Variants in IMMP2L observed in about 807,000 individuals in gnomAD.
The protein encoded by IMMP2L is mitochondrial inner membrane protease subunit 2.
A neutral mutation model predicts 19.3 loss-of-function variants in IMMP2L; 18 were observed. The observed-to-expected ratio is 0.93, with a 90% CI of 0.64 to 1.38. The LOEUF (loss-of-function observed/expected upper bound fraction) is 1.38. Ranked by LOEUF, IMMP2L falls within the 40% of genes most tolerant of loss-of-function variation. The probability of loss-of-function intolerance (pLI) is 0.00; values close to 1 mark genes in which losing one functional copy is unlikely to be tolerated. For missense variants in IMMP2L, 233 were observed against 218.2 expected, an observed-to-expected ratio of 1.07 and a Z score of -0.43; for synonymous variants, 76 against 73.0, an observed-to-expected ratio of 1.04 and a Z score of -0.21.
At chr7:111,186,963 C>T (rs1027008654) in intron 3 of IMMP2L, among the ~76,000 whole-genome samples, 2 of 151,814 alleles carry the variant, frequency 1.3e-5, no homozygotes, top group South Asian at 2.1e-4. Flanking sequence ...AGTTTTAATA[C>T]CTTTTTGTCT....
At chr7:111,401,733 C>A (rs188456535) in intron 3 of IMMP2L, among the ~76,000 whole-genome samples, 2 of 152,106 alleles carry the variant, frequency 1.3e-5, no homozygotes, top group African/African-American at 2.4e-5. Flanking sequence ...AACTGGTAAA[C>A]CACGGACTGC....
At chr7:110,838,637 A>G (rs890082427) in intron 5 of IMMP2L, among the ~76,000 whole-genome samples, 1 of 151,978 alleles carries the variant, frequency 6.6e-6, no homozygotes, top group African/African-American at 2.4e-5. Context: ...TATGATCAGC[A>G]AGAAGGCCTT....
intron 2 of IMMP2L, among the ~76,000 whole-genome samples, chr7:111,510,463 G>A (rs781562922): frequency 2.0e-5 from 3 of 151,946 alleles, no homozygotes; most frequent in Non-Finnish European, 4.4e-5. Context: ...GTTTTGACAC[G>A]TTAAAAAAAA....
intron 3 of IMMP2L, among the ~76,000 whole-genome samples, chr7:111,295,938 A>C (rs1158996958): frequency 6.6e-6 from 1 of 151,152 alleles, no homozygotes; most frequent in Non-Finnish European, 1.5e-5. Flanking sequence ...ACATAGAAGA[A>C]AATTTTCATG....
At position 111,311,858 on chromosome 7, in the gene IMMP2L, C is replaced by T. The variant is rs141834047; in HGVS notation, c.239+175380G>A. On this transcript the variant is annotated intron_variant, in intron 3 of 5. Transcript: ENST00000405709. The stretch of plus-strand genomic sequence containing the variant: ...CATTATCGCAATTGTACTCACTTTG[C>T]TTCCAGTGATTACACTGGGACACTC... Among the ~76,000 whole-genome samples, 607 of 152,270 alleles carry T rather than the reference C, an allele frequency of 4.0e-3. 3 individuals are homozygous for T. The highest frequency in any genetic ancestry group is 0.02 in the Middle Eastern group (6 of 294).
chr7:110,946,697 T>A (rs1417100795), intron 4 of IMMP2L, among the ~76,000 whole-genome samples: 3 of 151,310 alleles, frequency 2.0e-5, no homozygotes, highest in African/African-American at 4.9e-5. Context: ...ATATTAAAAC[T>A]GTTAAGAAAA....
intron 3 of IMMP2L, among the ~76,000 whole-genome samples, chr7:111,446,336 C>G (rs1051819037): frequency 2.1e-5 from 3 of 143,116 alleles, no homozygotes; most frequent in African/African-American, 8.6e-5. Context: ...AGCAGTGGTT[C>G]TCCCAGCACA....
intron 2 of IMMP2L, among the ~76,000 whole-genome samples, chr7:111,507,669 T>TA (rs1344919910): frequency 6.6e-6 from 1 of 152,152 alleles, no homozygotes; most frequent in Non-Finnish European, 1.5e-5. Flanking sequence ...ACTTCACTAA[T>TA]AGTACCAATT....
chr7:111,216,618 T>C (rs1057439426), intron 3 of IMMP2L, among the ~76,000 whole-genome samples: 2 of 152,082 alleles, frequency 1.3e-5, no homozygotes, highest in Admixed American at 6.6e-5. Context: ...CACTGTGCAA[T>C]AGAACTAAAA....
At chr7:110,673,173 C>G (rs897716182) in intron 5 of IMMP2L, among the ~76,000 whole-genome samples, 4 of 152,246 alleles carry the variant, frequency 2.6e-5, no homozygotes, top group African/African-American at 9.6e-5. Context: ...TTCTATGCAT[C>G]TGCAGGCCCA....
intron 3 of IMMP2L, among the ~76,000 whole-genome samples, chr7:111,095,991 C>A (rs1797358665): frequency 1.3e-5 from 2 of 151,912 alleles, no homozygotes; most frequent in African/African-American, 4.8e-5. Context: ...CAATCCTATT[C>A]TTTTCTTTTG....
At chr7:111,336,084 G>C (rs1481606611) in intron 3 of IMMP2L, among the ~76,000 whole-genome samples, 3 of 151,982 alleles carry the variant, frequency 2.0e-5, no homozygotes, top group Non-Finnish European at 4.4e-5. Flanking sequence ...GGATCTCACT[G>C]TGTCATCCAG....
intron 5 of IMMP2L, among the ~76,000 whole-genome samples, chr7:110,670,698 A>C (rs1483588023): frequency 6.6e-6 from 1 of 151,228 alleles, no homozygotes; most frequent in Admixed American, 6.6e-5. Context: ...TCAAAAAAAA[A>C]AAAAAACAAA....
At chr7:110,700,124 A>T (rs1794171209) in intron 5 of IMMP2L, among the ~76,000 whole-genome samples, 1 of 152,212 alleles carries the variant, frequency 6.6e-6, no homozygotes, top group Non-Finnish European at 1.5e-5. Flanking sequence ...CAACTAAGTC[A>T]GCCATGATTC....
chr7:111,417,328 G>GT, intron 3 of IMMP2L, among the ~76,000 whole-genome samples: 1 of 151,874 alleles, frequency 6.6e-6, no homozygotes, highest in African/African-American at 2.4e-5. Flanking sequence ...GGTGGAGGGC[G>GT]TCACAGTGAG....
chr7:110,919,020 C>T (rs556676937), intron 4 of IMMP2L, among the ~76,000 whole-genome samples: 15 of 152,062 alleles, frequency 9.9e-5, no homozygotes, highest in Non-Finnish European at 1.9e-4. Context: ...CCAATAAAAT[C>T]TAGGTCAAAC....
chr7:111,254,358 G>A (rs934844749), intron 3 of IMMP2L, among the ~76,000 whole-genome samples: 1 of 152,050 alleles, frequency 6.6e-6, no homozygotes, highest in Non-Finnish European at 1.5e-5. Flanking sequence ...AATCTGCAAA[G>A]GGGAAAGTTT....
At chr7:110,973,248 G>A (rs965331817) in intron 3 of IMMP2L, among the ~76,000 whole-genome samples, 3 of 152,088 alleles carry the variant, frequency 2.0e-5, no homozygotes, top group Admixed American at 1.3e-4. Flanking sequence ...ATCTCACAAT[G>A]TGTGCATATG....
chr7:110,805,780 T>A (rs188878486), intron 5 of IMMP2L, among the ~76,000 whole-genome samples: 4 of 152,166 alleles, frequency 2.6e-5, no homozygotes, highest in Admixed American at 6.5e-5. Context: ...TCTTGACTTG[T>A]CTTATACATG....
Sources: allele counts gnomAD v4.1 joint callset (sites outside exome capture counted in the v4.1 genomes callset), GRCh38; gene constraint gnomAD v4.1.1; transcripts MANE v1.5; gene names NCBI Gene and HGNC (gene_info 2026-07-23, HGNC 2026-07-21).